Variants in NTM observed in about 807,000 individuals in gnomAD.
NTM encodes the protein IgLON family member 2.
A neutral mutation model predicts 42.1 loss-of-function variants in NTM; 13 were observed. That is an observed-to-expected ratio of 0.31 (90% CI 0.20 to 0.49). The LOEUF (loss-of-function observed/expected upper bound fraction) is 0.49, where lower values mean the gene tolerates loss of function less well. Ranked by LOEUF, NTM falls within the 20% of genes least tolerant of loss-of-function variation. The pLI is 0.99. For synonymous variants in NTM, 187 were observed against 179.2 expected, an observed-to-expected ratio of 1.04 and a Z score of -0.35; for missense variants, 373 against 452.8, an observed-to-expected ratio of 0.82 and a Z score of 1.60.
chr11:131,900,102 G>C (rs2052919938), intron 1 of NTM, among the ~76,000 whole-genome samples: 1 of 152,208 alleles, frequency 6.6e-6, no homozygotes, highest in South Asian at 2.1e-4. Flanking sequence ...CATGTGCCAA[G>C]TCCAGTGGAC....
At chr11:132,231,104 C>T (rs1850018726) in intron 4 of NTM, among the ~76,000 whole-genome samples, 1 of 152,196 alleles carries the variant, frequency 6.6e-6, no homozygotes, top group African/African-American at 2.4e-5. Context: ...GTAGTTATTC[C>T]TGTCCTCAGC....
At chr11:131,938,948 C>T (rs1031317674) in intron 2 of NTM, among the ~76,000 whole-genome samples, 21 of 151,574 alleles carry the variant, frequency 1.4e-4, no homozygotes. Context: ...AGCAAGAGGA[C>T]CCTTAGATAC....
At chr11:131,943,441 T>A (rs530762567) in intron 2 of NTM, among the ~76,000 whole-genome samples, 1 of 152,328 alleles carries the variant, frequency 6.6e-6, no homozygotes, top group South Asian at 2.1e-4. Context: ...AACCTTCGGA[T>A]GGTTCTAATG....
intron 2 of NTM, among the ~76,000 whole-genome samples, chr11:132,005,645 C>T (rs978911787): frequency 2.0e-5 from 3 of 152,160 alleles, no homozygotes; most frequent in Non-Finnish European, 4.4e-5. Context: ...TCTCCCTTTT[C>T]CATTTTCATA....
At chr11:131,891,471 A>G (rs1436928590) in intron 1 of NTM, among the ~76,000 whole-genome samples, 1 of 152,190 alleles carries the variant, frequency 6.6e-6, no homozygotes, top group Non-Finnish European at 1.5e-5. Flanking sequence ...CTTCCAAAAA[A>G]AGAGGCCTTT....
At chr11:131,615,186 C>G (rs2061802604) in intron 1 of NTM, among the ~76,000 whole-genome samples, 1 of 152,226 alleles carries the variant, frequency 6.6e-6, no homozygotes, top group Admixed American at 6.5e-5. Flanking sequence ...CTAGTTCTGT[C>G]TCTTTTGAAC....
chr11:132,320,888 A>G (rs1813758161), intron 7 of NTM, among the ~76,000 whole-genome samples: 1 of 151,562 alleles, frequency 6.6e-6, no homozygotes, highest in Non-Finnish European at 1.5e-5. Flanking sequence ...GAGCAGCCTA[A>G]CTGGGAGGCA....
chr11:131,769,208 C>T (rs988742186), intron 1 of NTM, among the ~76,000 whole-genome samples: 2 of 152,196 alleles, frequency 1.3e-5, no homozygotes, highest in African/African-American at 2.4e-5. Flanking sequence ...CTAGGTTTAA[C>T]ATTTTATTCC....
At chr11:131,514,930 G>C (rs1264667326) in intron 1 of NTM, among the ~76,000 whole-genome samples, 2 of 151,936 alleles carry the variant, frequency 1.3e-5, no homozygotes, top group African/African-American at 2.4e-5. Flanking sequence ...GAGGGAGAGA[G>C]ACAAGGTCTT....
intron 1 of NTM, among the ~76,000 whole-genome samples, chr11:131,819,521 A>C (rs538704128): frequency 2.6e-5 from 4 of 152,340 alleles, no homozygotes; most frequent in South Asian, 2.1e-4. Context: ...AGAGAGACAT[A>C]CATAAAAAAT....
chr11:131,374,441 C>T (rs1308138498), intron 1 of NTM, among the ~76,000 whole-genome samples: 3 of 152,200 alleles, frequency 2.0e-5, no homozygotes, highest in Admixed American at 2.0e-4. Context: ...CTGATTCTTC[C>T]CTTTTTTGGT....
intron 5 of NTM, among the ~76,000 whole-genome samples, chr11:132,309,462 A>G (rs2095211853): frequency 1.3e-5 from 2 of 152,202 alleles, no homozygotes; most frequent in African/African-American, 4.8e-5. Context: ...GTGTGCAGAA[A>G]TTCTAGAAGG....
chr11:131,980,101 T>C (rs1316313833), intron 2 of NTM, among the ~76,000 whole-genome samples: 10 of 152,178 alleles, frequency 6.6e-5, no homozygotes, highest in Admixed American at 5.9e-4. Context: ...GAATGAGAAC[T>C]GTAGGGAAGT....
chr11:132,320,715 TG>T (rs2095543982), intron 7 of NTM, among the ~76,000 whole-genome samples: 1 of 152,012 alleles, frequency 6.6e-6, no homozygotes, highest in Non-Finnish European at 1.5e-5. Context: ...GCTCCACCTC[TG>T]GGGGCAGGGC....
chr11:131,470,637 C>T (rs943003411), intron 1 of NTM, among the ~76,000 whole-genome samples: 5 of 152,146 alleles, frequency 3.3e-5, no homozygotes, highest in Admixed American at 1.3e-4. Context: ...AAAGGCTCCC[C>T]GAGTTACTTC....
At chr11:132,027,612 A>G (rs1053072228) in intron 2 of NTM, among the ~76,000 whole-genome samples, 2 of 152,158 alleles carry the variant, frequency 1.3e-5, no homozygotes, top group African/African-American at 4.8e-5. Flanking sequence ...AGTCCAATGT[A>G]ATTCTTATCC....
intron 1 of NTM, among the ~76,000 whole-genome samples, chr11:131,641,244 G>A (rs984295153): frequency 1.3e-5 from 2 of 152,162 alleles, no homozygotes; most frequent in Non-Finnish European, 2.9e-5. Flanking sequence ...ATGGGAAGTC[G>A]GAGTTTTACT....
At chr11:131,837,979 G>C (rs375610674) in intron 1 of NTM, among the ~76,000 whole-genome samples, 2 of 152,144 alleles carry the variant, frequency 1.3e-5, no homozygotes, top group East Asian at 3.8e-4. Flanking sequence ...ATTAACTTCT[G>C]TCTGTGTTTT....
At chr11:131,891,407 C>T (rs962437499) in intron 1 of NTM, among the ~76,000 whole-genome samples, 1 of 152,140 alleles carries the variant, frequency 6.6e-6, no homozygotes, top group African/African-American at 2.4e-5. Context: ...GGGGAAAGCA[C>T]TTGGGAAGAT....
Sources: gnomAD v4.1 joint callset for allele counts (sites outside exome capture counted in the v4.1 genomes callset) on GRCh38, gnomAD v4.1.1 for gene constraint, MANE v1.5 for transcripts, NCBI Gene and HGNC (gene_info 2026-07-23, HGNC 2026-07-21) for gene names.